MDGA2: variants seen among roughly 807,000 people sequenced by gnomAD.
The protein encoded by MDGA2 is MAM domain-containing glycosylphosphatidylinositol anchor protein 2.
MDGA2 carries 40 observed loss-of-function variants against 117.8 expected under a neutral mutation model. The ratio of observed to expected loss-of-function variants is 0.34; its 90% CI spans 0.26 to 0.44. The LOEUF (loss-of-function observed/expected upper bound fraction) is 0.44. MDGA2 is among the 20% of genes least tolerant of loss of function. The pLI is 1.00. For missense variants in MDGA2, 1,123 were observed against 1,250.6 expected, an observed-to-expected ratio of 0.90 and a Z score of 1.54; for synonymous variants, 452 against 439.0, an observed-to-expected ratio of 1.03 and a Z score of -0.37.
At chr14:47,638,160 A>G (rs1308477224) in intron 1 of MDGA2, among the ~76,000 whole-genome samples, 1 of 152,174 alleles carries the variant, frequency 6.6e-6, no homozygotes, top group Non-Finnish European at 1.5e-5. Flanking sequence ...GTGTCCACAG[A>G]ATACACGTGT....
chr14:47,571,682 T>A (rs1594923775), intron 1 of MDGA2, among the ~76,000 whole-genome samples: 1 of 150,732 alleles, frequency 6.6e-6, no homozygotes, highest in Admixed American at 6.6e-5. Flanking sequence ...CATGTTCTCA[T>A]TCATAAGTGG....
chr14:46,897,102 T>C (rs187486127), intron 10 of MDGA2, among the ~76,000 whole-genome samples: 19 of 152,256 alleles, frequency 1.2e-4, no homozygotes. Flanking sequence ...TTAGAATACA[T>C]ATTTTAAATG....
At chr14:46,867,247 A>G (rs1489004456) in intron 14 of MDGA2, among the ~76,000 whole-genome samples, 1 of 152,218 alleles carries the variant, frequency 6.6e-6, no homozygotes, top group Non-Finnish European at 1.5e-5. Context: ...TTGTAAGGAC[A>G]TGGATGAAAT....
At position 47,213,029 on chromosome 14, in the gene MDGA2, C is replaced by T. The variant is rs373666817; in HGVS notation, c.595+4992G>A. On this transcript the variant is annotated intron_variant, in intron 3 of 16. Coordinates refer to ENST00000399232, the MANE Select transcript of MDGA2 (RefSeq NM_001113498.3). The stretch of plus-strand genomic sequence containing the variant: ...AGATTAACTTCAATATCTTCCTATA[C>T]ATAGCCTCTTATTTTGGGGATGATA... Among the ~76,000 whole-genome samples the T allele has an allele frequency of 5.1e-4, 77 of 152,218 alleles. 1 individual carries two copies. In the Middle Eastern group the frequency reaches 0.02, roughly 40 times the overall value.
intron 1 of MDGA2, among the ~76,000 whole-genome samples, chr14:47,671,559 G>A (rs952185380): frequency 6.6e-6 from 1 of 152,152 alleles, no homozygotes; most frequent in East Asian, 1.9e-4. Context: ...AAAATCATTT[G>A]TGTTTCCTCT....
chr14:47,481,846 C>T (rs1034205876), intron 1 of MDGA2, among the ~76,000 whole-genome samples: 1 of 151,980 alleles, frequency 6.6e-6, no homozygotes, highest in Non-Finnish European at 1.5e-5. Context: ...AGAAGCACCA[C>T]AGATTATTTC....
intron 1 of MDGA2, among the ~76,000 whole-genome samples, chr14:47,409,843 G>A (rs1023158057): frequency 2.6e-5 from 4 of 152,104 alleles, no homozygotes; most frequent in African/African-American, 9.7e-5. Context: ...CGCTTTGTGG[G>A]TTGGAGCATT....
chr14:47,040,496 ACT>A (rs1889026314), intron 7 of MDGA2, among the ~76,000 whole-genome samples: 1 of 152,130 alleles, frequency 6.6e-6, no homozygotes, highest in Admixed American at 6.6e-5. Flanking sequence ...CAAATGTATC[ACT>A]CTGGAAATGA....
intron 1 of MDGA2, among the ~76,000 whole-genome samples, chr14:47,380,257 A>C (rs1029461630): frequency 6.6e-6 from 1 of 152,236 alleles, no homozygotes; most frequent in Non-Finnish European, 1.5e-5. Flanking sequence ...AAATGCCCAC[A>C]AGAGAAAGCA....
At chr14:47,230,096 G>T (rs978592429) in intron 2 of MDGA2, among the ~76,000 whole-genome samples, 1 of 151,872 alleles carries the variant, frequency 6.6e-6, no homozygotes, top group Non-Finnish European at 1.5e-5. Flanking sequence ...TTCCTTTAAT[G>T]ATTTTTTATA....
At chr14:47,010,295 A>C (rs957083769) in intron 8 of MDGA2, among the ~76,000 whole-genome samples, 1 of 152,032 alleles carries the variant, frequency 6.6e-6, no homozygotes, top group Non-Finnish European at 1.5e-5. Context: ...TCTTAGAGAT[A>C]ATCTAAGTGC....
At chr14:47,121,559 G>T (rs1881654078) in intron 5 of MDGA2, among the ~76,000 whole-genome samples, 1 of 152,032 alleles carries the variant, frequency 6.6e-6, no homozygotes, top group Non-Finnish European at 1.5e-5. Flanking sequence ...GAAAATTGAT[G>T]AGCTAGATGA....
chr14:47,289,892 G>C (rs1372546878), intron 2 of MDGA2, among the ~76,000 whole-genome samples: 1 of 151,928 alleles, frequency 6.6e-6, no homozygotes, highest in Non-Finnish European at 1.5e-5. Flanking sequence ...TTTTGATTCT[G>C]AGTTTTCAGA....
intron 1 of MDGA2, among the ~76,000 whole-genome samples, chr14:47,599,313 GTTTT>G (rs559603496): frequency 2.8e-5 from 4 of 142,108 alleles, no homozygotes; most frequent in African/African-American, 1.0e-4. Context: ...GACAAATGCT[GTTTT>G]TTTTTTTGCA....
chr14:47,288,094 T>G (rs1292837176), intron 2 of MDGA2, among the ~76,000 whole-genome samples: 3 of 151,944 alleles, frequency 2.0e-5, no homozygotes, highest in African/African-American at 7.2e-5. Flanking sequence ...TTCTTTGTGA[T>G]ACTTTCTTAT....
In MDGA2 at chr14:47,144,220, T is replaced by C. The variant is rs1235265723; in HGVS notation, c.650A>G (p.Gln217Arg). The C allele has an allele frequency of 6.4e-7, 1 of 1,551,318 alleles. No homozygotes were observed. Among genetic ancestry groups the C allele is most frequent in the South Asian group, 1.2e-5 (1 of 84,014 alleles). Residue 217 changes from glutamine (Q) to arginine (R), a missense_variant, in exon 4 of 17, where the codon CAA (glutamine) becomes CGA (arginine). By Grantham distance (43) the Gln-to-Arg change is conservative (BLOSUM62 1). This residue lies in a region of MDGA2 where 890 missense variants were observed against 1,050.3 expected (regional missense o/e 0.85). Coordinates refer to ENST00000399232, the MANE Select transcript of MDGA2 (RefSeq NM_001113498.3). The stretch of plus-strand genomic sequence containing the variant: ...GAACACTGTTCTCTCATAGTAAAAT[T>C]GTTCTTTAGCTTCACCTATACTTTG... ...VHQSIGEAKE[Q>R]FYYERTVFLR...
At chr14:47,116,900 TAAAC>T (rs1486601048) in intron 5 of MDGA2, among the ~76,000 whole-genome samples, 1 of 143,598 alleles carries the variant, frequency 7.0e-6, no homozygotes, top group Non-Finnish European at 1.5e-5. Flanking sequence ...ACAACAAAAA[TAAAC>T]AAGTGGGACC....
At chr14:47,509,407 A>G (rs1001271556) in intron 1 of MDGA2, among the ~76,000 whole-genome samples, 1 of 152,192 alleles carries the variant, frequency 6.6e-6, no homozygotes, top group African/African-American at 2.4e-5. Flanking sequence ...GAAAGCACAG[A>G]AGGGGGAAGT....
chr14:47,219,567 C>A (rs1489111411), intron 2 of MDGA2, among the ~76,000 whole-genome samples: 2 of 151,952 alleles, frequency 1.3e-5, no homozygotes, highest in African/African-American at 4.8e-5. Context: ...CTAACACTTT[C>A]ACTTAGCAAT....
Sources: allele counts gnomAD v4.1 joint callset (sites outside exome capture counted in the v4.1 genomes callset), GRCh38; gene constraint gnomAD v4.1.1; regional missense constraint gnomAD v4.1.1; transcripts MANE v1.5; gene names NCBI Gene and HGNC (gene_info 2026-07-23, HGNC 2026-07-21).